The following DOCK11 variants were observed in gnomAD, a reference collection of about 807,000 sequenced individuals.
DOCK11 encodes dedicator of cytokinesis protein 11.
A neutral mutation model predicts 169.1 loss-of-function variants in DOCK11; 70 were observed. The observed-to-expected ratio is 0.41, with a 90% CI of 0.34 to 0.51. The LOEUF is 0.51. Among genes scored for constraint, DOCK11 ranks in the 20% least tolerant of loss-of-function variants. DOCK11 has a pLI of 0.10. For synonymous variants in DOCK11, 529 were observed against 541.3 expected, an observed-to-expected ratio of 0.98 and a Z score of 0.32; for missense variants, 1,166 against 1,538.8, an observed-to-expected ratio of 0.76 and a Z score of 4.05.
intron 1 of DOCK11, among the ~76,000 whole-genome samples, chrX:118,538,086 CT>C (rs1569410237): frequency 8.9e-6 from 1 of 111,956 alleles, no homozygotes; most frequent in African/African-American, 3.2e-5. Context: ...TGATATGAAG[CT>C]TTCTTTTTCA....
chrX:118,685,763 T>A lies in DOCK11; in HGVS notation c.6178T>A (p.Ser2060Thr). 3 of 1,211,675 alleles carry A rather than the reference T, an allele frequency of 2.5e-6. No individual in the cohort carries two copies. The highest frequency in any genetic ancestry group is 2.2e-6 in the Non-Finnish European group (2 of 895,391). The change falls in exon 53 of 53, where the codon TCA (serine) becomes ACA (threonine). Residue 2060 changes from serine (S) to threonine (T), a missense_variant. Physicochemically the swap from Ser to Thr is moderately conservative, Grantham distance 58 (BLOSUM62 1). Transcript: ENST00000276202. ...LHVFCAISGTSSDRGYGSPRY... is the reference protein window; with the variant it reads ...LHVFCAISGTTSDRGYGSPRY... ...TGTATTTTGTGCAATTAGTGGTACA[T>A]CAAGTGACCGAGGTTATGGTTCCCC...
intron 1 of DOCK11, among the ~76,000 whole-genome samples, chrX:118,510,816 C>T (rs776522614): frequency 1.4e-3 from 159 of 111,896 alleles, no homozygotes; most frequent in African/African-American, 4.9e-3. Flanking sequence ...CCAGAAATGG[C>T]TTTCTAAAAC....
rs767971179 is a variant in DOCK11 at position 118,578,537 on chromosome X, G to T, written c.1402G>T (p.Val468Leu). Reference sequence around the variant, plus strand: ...ACTTTTTTCCCAGGGAATTTTCTCAGTGACGAATCCACATCCTGAAATTTT... The same window carrying T: ...ACTTTTTTCCCAGGGAATTTTCTCATTGACGAATCCACATCCTGAAATTTT... ...LRYIQQGIFS[V>L]TNPHPEIFLV... The change falls in exon 13 of 53, where the codon GTG (valine) becomes TTG (leucine). Residue 468 changes from valine to leucine, a missense_variant. Val to Leu is a conservative substitution (Grantham distance 32). Coordinates refer to ENST00000276202, the MANE Select transcript of DOCK11 (RefSeq NM_144658.4). 2 of 1,208,822 alleles carry T rather than the reference G, an allele frequency of 1.7e-6. No individual in the cohort carries two copies. Among genetic ancestry groups the T allele is most frequent in the Admixed American group, 2.2e-5 (1 of 45,893 alleles).
chrX:118,685,378 G>C (rs979551531), intron 52 of DOCK11: 19 of 197,105 alleles, frequency 9.6e-5, no homozygotes, highest in Non-Finnish European at 1.7e-4. Context: ...TAGAGCTCTT[G>C]TTATGACCAT....
chrX:118,528,013 G>T (rs953449555), intron 1 of DOCK11, among the ~76,000 whole-genome samples: 1 of 112,855 alleles, frequency 8.9e-6, no homozygotes, highest in Admixed American at 9.3e-5. Flanking sequence ...TATACATGTT[G>T]TTGGCATCAT....
At chrX:118,513,382 C>G (rs751917470) in intron 1 of DOCK11, among the ~76,000 whole-genome samples, 1 of 112,037 alleles carries the variant, frequency 8.9e-6, no homozygotes, top group Non-Finnish European at 1.9e-5. Flanking sequence ...GCAAGGTTGT[C>G]CCCTAAAATG....
chrX:118,610,358 G>A lies in DOCK11; in HGVS notation c.3036G>A (p.Arg1012=). The A allele has an allele frequency of 1.7e-6, 2 of 1,211,085 alleles. No individual in the cohort carries two copies. The highest frequency in any genetic ancestry group is 2.2e-6 in the Non-Finnish European group (2 of 895,200). ...LLAIIPHVTI[R]YAEIPDESRN... ...CAATAATTCCCCATGTGACTATTCG[G>A]TATGCGGAGATTCCCGATGAGTCCA... The change falls in exon 28 of 53, where the codon CGG becomes CGA. Residue 1012 remains arginine, a synonymous_variant. Transcript: ENST00000276202.
intron 12 of DOCK11, among the ~76,000 whole-genome samples, chrX:118,574,426 A>T (rs1239299961): frequency 9.0e-6 from 1 of 111,303 alleles, no homozygotes. Context: ...AAAATTAGCC[A>T]GGCGTGGTGA....
chrX:118,676,020 A>G lies in DOCK11; in HGVS notation c.5284A>G (p.Thr1762Ala). 8.3e-7 allele frequency: 1 copy of G among 1,199,261 alleles called. No homozygotes were observed. The highest frequency in any genetic ancestry group is 1.1e-6 in the Non-Finnish European group (1 of 890,005). ...GCATACAAAAAAGAGACTTTTAGGC[A>G]CTTTCTTCAGAGTTGCCTTTTATGG... is the stretch of plus-strand genomic sequence containing the variant. ...VMHTKKRLLG[T>A]FFRVAFYGQS... The change falls in exon 47 of 53, where the codon ACT (threonine) becomes GCT (alanine). Residue 1762 changes from threonine to alanine, a missense_variant. Transcript: ENST00000276202.
At chrX:118,498,435 A>G (rs2057552102) in intron 1 of DOCK11, among the ~76,000 whole-genome samples, 1 of 112,641 alleles carries the variant, frequency 8.9e-6, no homozygotes, top group Non-Finnish European at 1.9e-5. Flanking sequence ...CAACGAAAAA[A>G]TAAGGAAATA....
chrX:118,586,892 G>A (rs1057107772), intron 16 of DOCK11, among the ~76,000 whole-genome samples: 1 of 83,400 alleles, frequency 1.2e-5, no homozygotes, highest in Non-Finnish European at 2.3e-5. Context: ...GTTGACTGTG[G>A]TAATGCCTTA....
At chrX:118,557,738 C>T (rs1444134301) in intron 6 of DOCK11, among the ~76,000 whole-genome samples, 105 of 81,930 alleles carry the variant, frequency 1.3e-3, no homozygotes, top group Middle Eastern at 0.016. Context: ...TACTCCAGCC[C>T]GGGAGACAGA....
chrX:118,639,260 A>G lies in DOCK11; in HGVS notation c.4002-175A>G, dbSNP rs933529624. ...TTCTAAATTCCTTAATTATATTCAT[A>G]TATGCTATTTTAAAGATACATTAAA... On this transcript the variant is annotated intron_variant, in intron 37 of 52. Coordinates refer to ENST00000276202, the MANE Select transcript of DOCK11 (RefSeq NM_144658.4). 2.7e-5 allele frequency among the ~76,000 whole-genome samples: 3 copies of G among 112,424 alleles called. No homozygotes were observed. In the Admixed American group the frequency reaches 2.8e-4, roughly 11 times the overall value.
chrX:118,501,759 T>C (rs758938011), intron 1 of DOCK11, among the ~76,000 whole-genome samples: 1 of 111,912 alleles, frequency 8.9e-6, no homozygotes, highest in Non-Finnish European at 1.9e-5. Flanking sequence ...TTAAACATAC[T>C]GTTAAATTGC....
intron 1 of DOCK11, among the ~76,000 whole-genome samples, chrX:118,518,202 A>G (rs1283440925): frequency 8.9e-6 from 1 of 111,985 alleles, no homozygotes; most frequent in South Asian, 3.7e-4. Context: ...TGGGAGAATT[A>G]CTTATGAATT....
chrX:118,619,822 CT>C (rs746842017), intron 31 of DOCK11, among the ~76,000 whole-genome samples: 93 of 100,046 alleles, frequency 9.3e-4, no homozygotes, highest in Admixed American at 1.1e-3. Flanking sequence ...TGTTTTCTTT[CT>C]TTTTTTTTTT....
chrX:118,659,310 C>G (rs1333180652), intron 44 of DOCK11, among the ~76,000 whole-genome samples: 1 of 111,835 alleles, frequency 8.9e-6, no homozygotes, highest in Non-Finnish European at 1.9e-5. Flanking sequence ...CAGCTATAAA[C>G]AGCAAGGTCA....
chrX:118,573,767 A>G (rs1190374942), intron 11 of DOCK11, 39 bp from the exon 12 acceptor site: 2 of 1,137,043 alleles, frequency 1.8e-6, no homozygotes, highest in Middle Eastern at 3.3e-4. Flanking sequence ...TGCCCCCACT[A>G]AAGTCTCAGT....
Position 118,517,839 on chromosome X carries a change from A to G in DOCK11, c.102+21766A>G, listed in dbSNP as rs900518133. Among the ~76,000 whole-genome samples, 5 of 112,094 alleles carry G rather than the reference A, an allele frequency of 4.5e-5. No individual in the cohort carries two copies. In the East Asian group the frequency reaches 1.1e-3, roughly 25 times the overall value. On this transcript the variant is annotated intron_variant, in intron 1 of 52. Transcript: ENST00000276202. The stretch of plus-strand genomic sequence containing the variant: ...GTGAAATTTTGAAGAATATATGTAT[A>G]TAGTCTTACACTAGATATTTGCCTG...
Sources: gnomAD v4.1 joint callset for allele counts (sites outside exome capture counted in the v4.1 genomes callset) on GRCh38, gnomAD v4.1.1 for gene constraint, MANE v1.5 for transcripts, NCBI Gene and HGNC (gene_info 2026-07-23, HGNC 2026-07-21) for gene names.